Variants in ITSN1 observed in about 807,000 individuals in gnomAD.
ITSN1 encodes intersectin 1.
ITSN1 carries 58 observed loss-of-function variants against 239.8 expected under a neutral mutation model. That is an observed-to-expected ratio of 0.24 (90% CI 0.20 to 0.30). ITSN1 has a LOEUF of 0.30. ITSN1 is among the 10% of genes least tolerant of loss of function. The pLI, the probability that ITSN1 is intolerant of heterozygous loss-of-function variation, is 1.00. For synonymous variants in ITSN1, 780 were observed against 770.8 expected, an observed-to-expected ratio of 1.01 and a Z score of -0.20; for missense variants, 1,558 against 2,103.3, an observed-to-expected ratio of 0.74 and a Z score of 5.07.
At chr21:33,827,128 G>C (rs1368079477) in intron 26 of ITSN1, among the ~76,000 whole-genome samples, 2 of 152,174 alleles carry the variant, frequency 1.3e-5, no homozygotes, top group Non-Finnish European at 2.9e-5. Context: ...GGCCAGGCAC[G>C]GTGGCTCATG....
chr21:33,800,546 A>G (rs1320641758), intron 19 of ITSN1, among the ~76,000 whole-genome samples: 1 of 152,152 alleles, frequency 6.6e-6, no homozygotes, highest in African/African-American at 2.4e-5. Context: ...GTAATGAATT[A>G]TACAGTTAAT....
intron 5 of ITSN1, among the ~76,000 whole-genome samples, chr21:33,737,963 G>T (rs959135913): frequency 6.6e-6 from 1 of 152,086 alleles, no homozygotes; most frequent in African/African-American, 2.4e-5. Flanking sequence ...TGGGCAGATC[G>T]CTTGCGCTCA....
intron 22 of ITSN1, 139 bp downstream of exon 22, chr21:33,814,211 T>G: frequency 6.7e-6 from 5 of 749,850 alleles, no homozygotes; most frequent in South Asian, 4.3e-5. Flanking sequence ...GGGAATCCAG[T>G]GCAGGAGCCA....
chr21:33,718,317 C>T (rs2065285230), intron 1 of ITSN1, among the ~76,000 whole-genome samples: 1 of 152,170 alleles, frequency 6.6e-6, no homozygotes, highest in Non-Finnish European at 1.5e-5. Context: ...GTACAGTCAG[C>T]CCTCCGTATC....
intron 1 of ITSN1, among the ~76,000 whole-genome samples, chr21:33,707,269 C>T (rs1467614386): frequency 6.6e-6 from 1 of 152,000 alleles, no homozygotes; most frequent in East Asian, 1.9e-4. Context: ...AATGCATATA[C>T]TTATTTTTTA....
At chr21:33,750,983 G>A (rs2067511213) in intron 6 of ITSN1, among the ~76,000 whole-genome samples, 1 of 152,196 alleles carries the variant, frequency 6.6e-6, no homozygotes, top group African/African-American at 2.4e-5. Context: ...AGTAAATTCA[G>A]TATTGACGAC....
At chr21:33,835,525 T>G (rs2074550933) in intron 28 of ITSN1, among the ~76,000 whole-genome samples, 1 of 152,208 alleles carries the variant, frequency 6.6e-6, no homozygotes, top group African/African-American at 2.4e-5. Flanking sequence ...CAATTTTACC[T>G]CCTGTAAGCT....
intron 34 of ITSN1, among the ~76,000 whole-genome samples, chr21:33,875,921 C>G (rs1983656654): frequency 1.3e-5 from 2 of 152,236 alleles, no homozygotes; most frequent in Admixed American, 1.3e-4. Flanking sequence ...CTCAGGTGAT[C>G]TGCCCACCTC....
At chr21:33,826,042 A>T (rs965159122) in intron 25 of ITSN1, among the ~76,000 whole-genome samples, 1 of 152,216 alleles carries the variant, frequency 6.6e-6, no homozygotes, top group Middle Eastern at 3.2e-3. Context: ...GTAACAACAG[A>T]TTCCGTTCTG....
chr21:33,766,272 A>C (rs2068714692), intron 10 of ITSN1, among the ~76,000 whole-genome samples: 1 of 152,258 alleles, frequency 6.6e-6, no homozygotes, highest in Non-Finnish European at 1.5e-5. Context: ...ATCAATGCTT[A>C]CCAGAAATTT....
At chr21:33,875,996 A>G (rs1983672605) in intron 34 of ITSN1, among the ~76,000 whole-genome samples, 1 of 152,024 alleles carries the variant, frequency 6.6e-6, no homozygotes, top group East Asian at 1.9e-4. Flanking sequence ...TGAGTTTCTA[A>G]TTTAAATTAT....
At chr21:33,814,186 G>A in intron 22 of ITSN1, 114 bp downstream of exon 22, 3 of 1,169,872 alleles carry the variant, frequency 2.6e-6, no homozygotes, top group Admixed American at 2.4e-5. Context: ...GTGTGTCTTG[G>A]TTGGCTGGCA....
Position 33,674,249 on chromosome 21 carries a change from A to G in ITSN1, c.-33+31536A>G, listed in dbSNP as rs1444450994. ...TTCAAAAGTTTTTCAGCTGTTAGAT[A>G]TTTAGCAGCTCAGTCTGTTTGAATG... On this transcript the variant is annotated intron_variant, in intron 1 of 39. Coordinates refer to ENST00000381318, the MANE Select transcript of ITSN1 (RefSeq NM_003024.3). Among the ~76,000 whole-genome samples the G allele has an allele frequency of 2.6e-5, 4 of 152,304 alleles. No homozygotes were observed. In the East Asian group the frequency reaches 7.7e-4, roughly 29 times the overall value.
Position 33,818,283 on chromosome 21 carries a change from G to A in ITSN1, c.2744G>A (p.Gly915Glu). Residue 915 changes from glycine (G) to glutamate (E), a missense_variant, in exon 23 of 40, where the codon GGG (glycine) becomes GAG (glutamate). Physicochemically the swap from Gly to Glu is moderately conservative, Grantham distance 98. Coordinates refer to ENST00000381318, the MANE Select transcript of ITSN1 (RefSeq NM_003024.3). ...PVLGQGEKVE[G>E]LQAQALYPWR... ...CCACACAAGGGTGAAAAGGTGGAGG[G>A]GCTACAAGCTCAAGCCCTATATCCT... 6.2e-7 allele frequency: 1 copy of A among 1,614,060 alleles called. No individual in the cohort carries two copies. Among genetic ancestry groups the A allele is most frequent in the Non-Finnish European group, 8.5e-7 (1 of 1,179,982 alleles).
intron 27 of ITSN1, among the ~76,000 whole-genome samples, chr21:33,830,902 G>A (rs191184433): frequency 8.6e-5 from 13 of 151,812 alleles, no homozygotes; most frequent in South Asian, 4.2e-4. Context: ...AAGAGGGTGG[G>A]GGGGGAGGGA....
rs115945716 is a variant in ITSN1, at chr21:33,715,575, G to A, written c.-32-3222G>A. Among the ~76,000 whole-genome samples the A allele has an allele frequency of 2.3e-3, 345 of 152,262 alleles. 1 individual carries two copies. Among genetic ancestry groups the A allele is most frequent in the African/African-American group, 8.1e-3 (335 of 41,544 alleles). ...TAAAATGTTCAAGAGAATTATCAAG[G>A]TTGCCTATACAATATATTGAATGAG... On this transcript the variant is annotated intron_variant, in intron 1 of 39. Coordinates refer to ENST00000381318, the MANE Select transcript of ITSN1 (RefSeq NM_003024.3).
chr21:33,810,214 A>G (rs1239721542), intron 20 of ITSN1, among the ~76,000 whole-genome samples: 1 of 152,246 alleles, frequency 6.6e-6, no homozygotes, highest in African/African-American at 2.4e-5. Flanking sequence ...TGGATGATCC[A>G]TTTGAGTCAG....
chr21:33,865,066 A>T lies in ITSN1; in HGVS notation c.3891-85A>T. On this transcript the variant is annotated intron_variant, in intron 31 of 39. Coordinates refer to ENST00000381318, the MANE Select transcript of ITSN1 (RefSeq NM_003024.3). This position sits in a 1 kb window ranked among gnomAD's most constrained non-coding sequence, Gnocchi z 4.4. ...CCTTAAGGCTGTGCCCCTCACACAC[A>T]TTCTGTTTCTGTGCAACCTAAGTGT... 1 of 1,357,928 alleles carries T rather than the reference A, an allele frequency of 7.4e-7. No homozygotes were observed. Among genetic ancestry groups the T allele is most frequent in the East Asian group, 2.5e-5 (1 of 40,458 alleles). The allele number at this position is 1,357,928 out of a possible 1,614,324, so 84.1% of individuals were successfully genotyped here. A position where few individuals can be genotyped will look rare whatever the true frequency, so the allele number is the denominator to read the frequency against.
In ITSN1 at chr21:33,882,452, A is replaced by C; in HGVS notation, c.4551A>C (p.Lys1517Asn). ...CAAACCTGCAGTATAAAATGTATAA[A>C]ACAGTAAGTTGGATTCTAGATTTTG... ...PKSNLQYKMY[K>N]TPIFLNEVLV... Residue 1517 changes from lysine to asparagine, a missense_variant, in exon 35 of 40, where the codon AAA becomes AAC. This residue lies in a region of ITSN1 where 576 missense variants were observed against 893.3 expected (regional missense o/e 0.64). Transcript: ENST00000381318. The surrounding 1 kb of genome is among the most constrained non-coding windows in gnomAD (Gnocchi z 4.5). The C allele has an allele frequency of 6.2e-7, 1 of 1,612,414 alleles. No individual in the cohort carries two copies. The highest frequency in any genetic ancestry group is 8.5e-7 in the Non-Finnish European group (1 of 1,179,212).
Sources: allele counts gnomAD v4.1 joint callset (sites outside exome capture counted in the v4.1 genomes callset), GRCh38; gene constraint gnomAD v4.1.1; regional missense constraint gnomAD v4.1.1; non-coding constraint Gnocchi (gnomAD v3.1); transcripts MANE v1.5; gene names NCBI Gene and HGNC (gene_info 2026-07-23, HGNC 2026-07-21).